PHACTR1: variants seen among roughly 807,000 people sequenced by gnomAD.
PHACTR1 encodes RPEL repeat containing 1.
A neutral mutation model predicts 69.2 loss-of-function variants in PHACTR1; 16 were observed. The observed-to-expected ratio is 0.23, with a 90% CI of 0.16 to 0.35. The LOEUF (loss-of-function observed/expected upper bound fraction) is 0.35, where lower values mean the gene tolerates loss of function less well. Ranked by LOEUF, PHACTR1 falls within the 10% of genes least tolerant of loss-of-function variation. The pLI is 1.00. For missense variants in PHACTR1, 510 were observed against 734.7 expected, an observed-to-expected ratio of 0.69 and a Z score of 3.54; for synonymous variants, 312 against 284.5, an observed-to-expected ratio of 1.10 and a Z score of -0.97.
intron 4 of PHACTR1, among the ~76,000 whole-genome samples, chr6:12,827,319 A>T (rs2127720885): frequency 6.6e-6 from 1 of 152,270 alleles, no homozygotes; most frequent in Admixed American, 6.5e-5. Context: ...TCCATTGCAA[A>T]AATGATGAAA....
chr6:12,768,874 T>C (rs1435694688), intron 4 of PHACTR1, among the ~76,000 whole-genome samples: 1 of 146,848 alleles, frequency 6.8e-6, no homozygotes, highest in Non-Finnish European at 1.5e-5. Context: ...TGGAATACTA[T>C]TGAGCCATAA....
Position 12,851,560 on chromosome 6 carries a change from G to A in PHACTR1, c.250+101770G>A, listed in dbSNP as rs2127759219. 1.3e-5 allele frequency among the ~76,000 whole-genome samples: 2 copies of A among 152,284 alleles called. 1 individual carries two copies. The highest frequency in any genetic ancestry group is 4.2e-4 in the South Asian group (2 of 4,818). On this transcript the variant is annotated intron_variant, in intron 4 of 14. Transcript: ENST00000332995. ...ACGCAAGCACCCAGTAACTCATCATGCACAGCAATAGGAAAGCTGGGTTGG... is the reference window on the plus strand; with the variant it reads ...ACGCAAGCACCCAGTAACTCATCATACACAGCAATAGGAAAGCTGGGTTGG...
chr6:12,847,708 C>T (rs917063261), intron 4 of PHACTR1, among the ~76,000 whole-genome samples: 2 of 151,888 alleles, frequency 1.3e-5, no homozygotes, highest in African/African-American at 4.8e-5. Flanking sequence ...GCACAGTATC[C>T]TAATTAAGAT....
intron 4 of PHACTR1, among the ~76,000 whole-genome samples, chr6:12,784,602 C>A (rs1236880100): frequency 6.6e-6 from 1 of 150,916 alleles, no homozygotes; most frequent in Non-Finnish European, 1.5e-5. Context: ...ACATGTATAT[C>A]TATACACATA....
At chr6:13,123,059 A>G (rs1007595432) in intron 5 of PHACTR1, among the ~76,000 whole-genome samples, 1 of 152,178 alleles carries the variant, frequency 6.6e-6, no homozygotes. Flanking sequence ...CAAATTTCCC[A>G]GAGTGTGGCT....
At chr6:12,816,849 G>T (rs1490544277) in intron 4 of PHACTR1, among the ~76,000 whole-genome samples, 1 of 152,208 alleles carries the variant, frequency 6.6e-6, no homozygotes, top group Non-Finnish European at 1.5e-5. Flanking sequence ...ACAGAAGGAT[G>T]TGCAGTAGAA....
chr6:12,774,727 T>G (rs1769836901), intron 4 of PHACTR1, among the ~76,000 whole-genome samples: 1 of 152,114 alleles, frequency 6.6e-6, no homozygotes, highest in African/African-American at 2.4e-5. Flanking sequence ...AAGGCAATAC[T>G]TTGTCAAGGC....
intron 4 of PHACTR1, among the ~76,000 whole-genome samples, chr6:12,950,716 C>A (rs915066508): frequency 7.9e-5 from 12 of 152,208 alleles, no homozygotes; most frequent in African/African-American, 2.9e-4. Context: ...AGCTCCAGCT[C>A]TGCCCTAGGC....
chr6:12,718,068 A>G (rs958690799), intron 2 of PHACTR1, among the ~76,000 whole-genome samples: 3 of 152,312 alleles, frequency 2.0e-5, no homozygotes, highest in Admixed American at 6.5e-5. Flanking sequence ...TAATGCTGCA[A>G]TCATTCTTGC....
chr6:12,737,643 G>A (rs1450586343), intron 3 of PHACTR1, among the ~76,000 whole-genome samples: 1 of 150,028 alleles, frequency 6.7e-6, no homozygotes, highest in African/African-American at 2.5e-5. Flanking sequence ...CACTCAGGCT[G>A]GAATGCAGTG....
intron 4 of PHACTR1, among the ~76,000 whole-genome samples, chr6:12,758,340 G>C (rs930835377): frequency 1.3e-5 from 2 of 151,994 alleles, no homozygotes; most frequent in East Asian, 1.9e-4. Context: ...TACTCGGGAG[G>C]CTGAGGCAGG....
chr6:13,102,496 A>G (rs1431109537), intron 5 of PHACTR1, among the ~76,000 whole-genome samples: 1 of 152,196 alleles, frequency 6.6e-6, no homozygotes, highest in African/African-American at 2.4e-5. Flanking sequence ...AGACAGGGAG[A>G]ACTTCAGCAT....
intron 6 of PHACTR1, among the ~76,000 whole-genome samples, chr6:13,166,082 C>T (rs1339120951): frequency 6.6e-6 from 1 of 152,200 alleles, no homozygotes; most frequent in African/African-American, 2.4e-5. Flanking sequence ...GCCCTGCTTC[C>T]TGGCCCTCGA....
intron 4 of PHACTR1, among the ~76,000 whole-genome samples, chr6:12,779,310 G>C (rs758044421): frequency 1.3e-5 from 2 of 152,120 alleles, no homozygotes; most frequent in Admixed American, 6.5e-5. Context: ...ACTCCAGCCT[G>C]GGCAACAAGA....
At chr6:13,192,864 G>C (rs970209222) in intron 7 of PHACTR1, among the ~76,000 whole-genome samples, 1 of 152,184 alleles carries the variant, frequency 6.6e-6, no homozygotes, top group South Asian at 2.1e-4. Context: ...GGAGGAGTTT[G>C]ATGATCTTTT....
At chr6:13,109,852 G>GTGTGTGTC (rs1816757596) in intron 5 of PHACTR1, among the ~76,000 whole-genome samples, 1 of 148,702 alleles carries the variant, frequency 6.7e-6, no homozygotes, top group Non-Finnish European at 1.5e-5. Flanking sequence ...GTGTGTGTGT[G>GTGTGTGTC]TGTGTGTGTG....
At chr6:13,200,963 A>G (rs1018878077) in intron 7 of PHACTR1, among the ~76,000 whole-genome samples, 1 of 151,956 alleles carries the variant, frequency 6.6e-6, no homozygotes, top group Non-Finnish European at 1.5e-5. Context: ...AAAAAAGAAA[A>G]AAATTAAAAA....
At chr6:13,132,657 G>T (rs1466212089) in intron 5 of PHACTR1, among the ~76,000 whole-genome samples, 2 of 151,680 alleles carry the variant, frequency 1.3e-5, no homozygotes, top group Admixed American at 1.3e-4. Flanking sequence ...TTATGTTTAT[G>T]CTACACTGTA....
Position 13,205,784 on chromosome 6 carries a change from A to T in PHACTR1, c.665-31A>T, listed in dbSNP as rs1445229515. On this transcript the variant is annotated intron_variant, in intron 7 of 14. Coordinates refer to ENST00000332995, the MANE Select transcript of PHACTR1 (RefSeq NM_030948.6). The stretch of plus-strand genomic sequence containing the variant: ...AGTTTCTTCTGATGCCCCCAAACTC[A>T]CATCTGCCTCTCGCCCTCTTTCTGC... 3 of 1,545,182 alleles carry T rather than the reference A, an allele frequency of 1.9e-6. No homozygotes were observed. In the East Asian group the frequency reaches 6.8e-5, roughly 35 times the overall value.
Sources: gnomAD v4.1 joint callset for allele counts (sites outside exome capture counted in the v4.1 genomes callset) on GRCh38, gnomAD v4.1.1 for gene constraint, MANE v1.5 for transcripts, NCBI Gene and HGNC (gene_info 2026-07-23, HGNC 2026-07-21) for gene names.